DAB1: variants seen among roughly 807,000 people sequenced by gnomAD.
The protein encoded by DAB1 is DAB adaptor protein 1, also known as disabled homolog 1.
DAB1 carries 15 observed loss-of-function variants against 64.6 expected under a neutral mutation model. That is an observed-to-expected ratio of 0.23 (90% CI 0.16 to 0.36). The LOEUF is 0.36. Ranked by LOEUF, DAB1 falls within the 10% of genes least tolerant of loss-of-function variation. DAB1 has a pLI of 1.00. For synonymous variants in DAB1, 235 were observed against 251.9 expected (o/e 0.93, Z 0.64); for missense variants, 596 against 706.7 (o/e 0.84, Z 1.78).
chr1:57,701,519 A>G (rs1280736856), intron 6 of DAB1, among the ~76,000 whole-genome samples: 1 of 152,026 alleles, frequency 6.6e-6, no homozygotes, highest in African/African-American at 2.4e-5. Flanking sequence ...ACACATGGAC[A>G]CAGGAAGGGG....
At chr1:57,288,293 A>ATGC (rs1672494175) in intron 2 of DAB1, among the ~76,000 whole-genome samples, 2 of 152,214 alleles carry the variant, frequency 1.3e-5, no homozygotes, top group Admixed American at 6.5e-5. Context: ...GATGATGATG[A>ATGC]TGATACAGAT....
At chr1:57,000,813 A>C (rs907806096) in intron 14 of DAB1, among the ~76,000 whole-genome samples, 1 of 152,200 alleles carries the variant, frequency 6.6e-6, no homozygotes, top group African/African-American at 2.4e-5. Flanking sequence ...AATTTGCTCT[A>C]TTCTAATTTT....
At chr1:57,290,852 AT>A in intron 2 of DAB1, 111 bp downstream of exon 2, 1 of 601,938 alleles carries the variant, frequency 1.7e-6, no homozygotes, top group Non-Finnish European at 2.9e-6. Context: ...CAAAATAACT[AT>A]TTAAAAATAT....
At chr1:58,399,504 C>A (rs1398095896) in intron 3 of DAB1, among the ~76,000 whole-genome samples, 3 of 152,166 alleles carry the variant, frequency 2.0e-5, no homozygotes. Flanking sequence ...GAAACCAAGA[C>A]GTGTTTACAA....
At chr1:58,153,147 G>C (rs568899123) in intron 4 of DAB1, among the ~76,000 whole-genome samples, 8 of 152,156 alleles carry the variant, frequency 5.3e-5, no homozygotes, top group South Asian at 2.1e-4. Context: ...TGTCCATCTA[G>C]AGATTCGAAA....
At chr1:57,267,892 G>A (rs1670708911) in intron 2 of DAB1, among the ~76,000 whole-genome samples, 1 of 152,202 alleles carries the variant, frequency 6.6e-6, no homozygotes, top group Non-Finnish European at 1.5e-5. Context: ...GCTGTGCTAT[G>A]AGAGCGGAGA....
intron 7 of DAB1, among the ~76,000 whole-genome samples, chr1:57,429,213 T>A (rs1342588752): frequency 6.6e-6 from 1 of 152,210 alleles, no homozygotes; most frequent in Non-Finnish European, 1.5e-5. Flanking sequence ...GTTATGGTTT[T>A]CATTGCATTT....
chr1:57,780,673 C>T (rs1650023033), intron 6 of DAB1, among the ~76,000 whole-genome samples: 1 of 151,998 alleles, frequency 6.6e-6, no homozygotes, highest in Non-Finnish European at 1.5e-5. Context: ...ATTCCTACTA[C>T]CACCCACTTT....
intron 2 of DAB1, among the ~76,000 whole-genome samples, chr1:57,217,942 G>A (rs76126660): frequency 0.029 from 4,357 of 152,150 alleles, 75 homozygotes; most frequent in African/African-American, 0.036. Flanking sequence ...AAGGATACAG[G>A]TGTCAGATAC....
chr1:57,370,416 C>G (rs919295609), intron 1 of DAB1, among the ~76,000 whole-genome samples: 1 of 152,182 alleles, frequency 6.6e-6, no homozygotes, highest in East Asian at 1.9e-4. Context: ...ATTCTCCAGA[C>G]CACTGTTTAC....
At chr1:58,489,491 G>A (rs1645638083) in intron 3 of DAB1, among the ~76,000 whole-genome samples, 1 of 152,210 alleles carries the variant, frequency 6.6e-6, no homozygotes, top group South Asian at 2.1e-4. Flanking sequence ...AGGCCTGCCT[G>A]CCTGTGTAGA....
At chr1:58,184,903 A>G (rs1015952306) in intron 4 of DAB1, among the ~76,000 whole-genome samples, 1 of 152,196 alleles carries the variant, frequency 6.6e-6, no homozygotes, top group Non-Finnish European at 1.5e-5. Context: ...CATGGGAACA[A>G]GAGATTGATA....
chr1:57,853,992 T>G (rs1205630388), intron 1 of DAB1, among the ~76,000 whole-genome samples: 1 of 152,206 alleles, frequency 6.6e-6, no homozygotes, highest in South Asian at 2.1e-4. Flanking sequence ...ATTTATTAAT[T>G]CATCATTCAA....
intron 7 of DAB1, among the ~76,000 whole-genome samples, chr1:57,535,520 A>ACTG (rs1644716515): frequency 7.2e-6 from 1 of 138,786 alleles, no homozygotes; most frequent in Non-Finnish European, 1.5e-5. Flanking sequence ...GCCAGACTGG[A>ACTG]CTGCTGTGGC....
intron 3 of DAB1, among the ~76,000 whole-genome samples, chr1:58,402,832 C>A (rs942523495): frequency 1.3e-5 from 2 of 152,096 alleles, no homozygotes; most frequent in African/African-American, 4.8e-5. Flanking sequence ...AGGTAAACAA[C>A]GAAATAATTA....
In DAB1 at chr1:58,133,193, C is replaced by CT. The variant is rs1181443831; in HGVS notation, n.387+17317dup. Among the ~76,000 whole-genome samples the CT allele has an allele frequency of 2.0e-5, 3 of 152,302 alleles. No individual in the cohort carries two copies. In the East Asian group the frequency reaches 5.8e-4, roughly 29 times the overall value. ...CACAACGACTTTTTTAGTCTCAACACTTGCTTTTTCCCCACCATGCATCTT... is the reference window on the plus strand; with the variant it reads ...CACAACGACTTTTTTAGTCTCAACACTTTGCTTTTTCCCCACCATGCATCTT... On this transcript the variant is annotated intron_variant and non_coding_transcript_variant, in intron 5 of 20. Transcript: ENST00000485760.
At chr1:58,203,502 C>CT (rs1180877921) in intron 4 of DAB1, among the ~76,000 whole-genome samples, 3 of 152,292 alleles carry the variant, frequency 2.0e-5, no homozygotes, top group East Asian at 3.9e-4. Flanking sequence ...GCTAACTCTT[C>CT]TTTTTTCTGC....
intron 4 of DAB1, among the ~76,000 whole-genome samples, chr1:58,268,408 A>T (rs1318531610): frequency 6.6e-6 from 1 of 152,196 alleles, no homozygotes; most frequent in Admixed American, 6.5e-5. Context: ...TTTCCAAGAA[A>T]CAATTAGAAA....
At chr1:58,307,961 C>T (rs1318961877) in intron 4 of DAB1, among the ~76,000 whole-genome samples, 4 of 152,010 alleles carry the variant, frequency 2.6e-5, no homozygotes. Context: ...CGGAGAGGTC[C>T]ACAGAGGCAA....
Sources: gnomAD v4.1 joint callset for allele counts (sites outside exome capture counted in the v4.1 genomes callset) on GRCh38, gnomAD v4.1.1 for gene constraint, MANE v1.5 for transcripts, NCBI Gene and HGNC (gene_info 2026-07-23, HGNC 2026-07-21) for gene names.